RAB3GAP1: variants seen among roughly 807,000 people sequenced by gnomAD.
RAB3GAP1 encodes the protein RAB3 GTPase activating protein catalytic subunit 1, also known as rab3 GTPase-activating protein catalytic subunit.
A neutral mutation model predicts 130.7 loss-of-function variants in RAB3GAP1; 86 were observed. The ratio of observed to expected loss-of-function variants is 0.66; its 90% CI spans 0.55 to 0.79. The LOEUF is 0.79. RAB3GAP1 is among the 30% of genes least tolerant of loss of function. RAB3GAP1 has a pLI of 0.00. For synonymous variants in RAB3GAP1, 367 were observed against 401.7 expected, an observed-to-expected ratio of 0.91 and a Z score of 1.03; for missense variants, 1,029 against 1,169.4, an observed-to-expected ratio of 0.88 and a Z score of 1.75.
At chr2:135,126,884 T>A (rs554452209) in intron 11 of RAB3GAP1, among the ~76,000 whole-genome samples, 128 of 152,256 alleles carry the variant, frequency 8.4e-4, no homozygotes, top group Non-Finnish European at 6.3e-4. Context: ...TACTTTTTTT[T>A]ATTTATTTTT....
chr2:135,127,867 C>CT (rs909315002), intron 11 of RAB3GAP1, among the ~76,000 whole-genome samples: 2 of 152,144 alleles, frequency 1.3e-5, no homozygotes, highest in Admixed American at 6.5e-5. Flanking sequence ...GTCCCCTTCC[C>CT]TTTTTTTAGG....
chr2:135,092,187 A>T (rs1349533519), intron 4 of RAB3GAP1, among the ~76,000 whole-genome samples: 1 of 152,238 alleles, frequency 6.6e-6, no homozygotes, highest in African/African-American at 2.4e-5. Flanking sequence ...GAATGTGAAT[A>T]TGAGAACTTT....
intron 8 of RAB3GAP1, among the ~76,000 whole-genome samples, chr2:135,123,415 T>G (rs1323941061): frequency 2.6e-5 from 4 of 152,192 alleles, no homozygotes; most frequent in African/African-American, 9.6e-5. Context: ...AATCATTTAC[T>G]TAGGATGTAG....
downstream of RAB3GAP1, among the ~76,000 whole-genome samples, chr2:135,171,509 G>A (rs1414340770): frequency 6.6e-6 from 1 of 152,164 alleles, no homozygotes. Flanking sequence ...CCTAAGAGGT[G>A]CACATGCTTG....
chr2:135,118,878 G>A (rs1691106080), intron 7 of RAB3GAP1, among the ~76,000 whole-genome samples: 1 of 150,546 alleles, frequency 6.6e-6, no homozygotes, highest in Non-Finnish European at 1.5e-5. Context: ...TGCCAAGCAG[G>A]AGTGACATGT....
At chr2:135,146,199 CTTTTTTTTTT>C (rs1173567563) in intron 17 of RAB3GAP1, among the ~76,000 whole-genome samples, 6 of 96,596 alleles carry the variant, frequency 6.2e-5, no homozygotes, top group Non-Finnish European at 8.4e-5. Context: ...CATATTTGTT[CTTTTTTTTTT>C]TTTTTTTTTT....
intron 8 of RAB3GAP1, among the ~76,000 whole-genome samples, chr2:135,123,212 T>C (rs1032771490): frequency 2.0e-5 from 3 of 152,240 alleles, no homozygotes; most frequent in Non-Finnish European, 4.4e-5. Context: ...TGTACAGTTA[T>C]ATTTTAGTAA....
chr2:135,078,013 A>G (rs573624005), intron 3 of RAB3GAP1, among the ~76,000 whole-genome samples: 31 of 152,228 alleles, frequency 2.0e-4, no homozygotes, highest in Admixed American at 1.2e-3. Flanking sequence ...CACTCTGTTG[A>G]TAGTGTACTT....
At chr2:135,129,939 G>A in intron 11 of RAB3GAP1, 56 bp from the exon 12 acceptor site, 3 of 1,065,126 alleles carry the variant, frequency 2.8e-6, no homozygotes, top group Non-Finnish European at 1.4e-6. Flanking sequence ...TAATTTATAG[G>A]ACTGATTTTT....
intron 6 of RAB3GAP1, among the ~76,000 whole-genome samples, chr2:135,114,981 A>C (rs1484518222): frequency 6.6e-6 from 1 of 152,194 alleles, no homozygotes. Flanking sequence ...AGCTGTTCTA[A>C]AACAATTTTC....
chr2:135,113,334 AAC>A lies in RAB3GAP1; in HGVS notation c.482+66_482+67del, dbSNP rs1690875257. On this transcript the variant is annotated intron_variant, in intron 6 of 23. Transcript: ENST00000264158. Reference sequence around the variant, plus strand: ...TTTTTAACAATAATTTATGAAGGCAAACAGTTATTAAATGTTAGCTTTTTAAC... The same window carrying A: ...TTTTTAACAATAATTTATGAAGGCAAAGTTATTAAATGTTAGCTTTTTAAC... 10 of 1,573,088 alleles carry A rather than the reference AAC, an allele frequency of 6.4e-6. No homozygotes were observed. In the South Asian group the frequency reaches 1.0e-4, roughly 16 times the overall value.
chr2:135,146,299 C>T (rs1266946205), intron 17 of RAB3GAP1, among the ~76,000 whole-genome samples: 2 of 149,172 alleles, frequency 1.3e-5, no homozygotes, highest in African/African-American at 5.0e-5. Context: ...GCAACTTCTG[C>T]CTGCTGAGTT....
chr2:135,097,288 G>A (rs1690327013), intron 5 of RAB3GAP1, among the ~76,000 whole-genome samples: 1 of 151,430 alleles, frequency 6.6e-6, no homozygotes, highest in Non-Finnish European at 1.5e-5. Flanking sequence ...GCAATCATGG[G>A]TACTGTAGCC....
intron 3 of RAB3GAP1, 142 bp downstream of exon 3, chr2:135,058,228 G>C: frequency 1.4e-6 from 1 of 723,546 alleles, no homozygotes; most frequent in East Asian, 2.8e-5. Flanking sequence ...GCATTTGGAA[G>C]AATTTGGATT....
chr2:135,058,118 CTATT>C (rs1207016743), intron 3 of RAB3GAP1, 32 bp downstream of exon 3: 1 of 1,551,446 alleles, frequency 6.4e-7, no homozygotes. Flanking sequence ...CTCTAAATGA[CTATT>C]TACTTTGAAA....
chr2:135,153,742 G>A lies in RAB3GAP1; in HGVS notation c.2155G>A (p.Val719Met), dbSNP rs1397177856. The A allele has an allele frequency of 1.2e-6, 2 of 1,614,056 alleles. No individual in the cohort carries two copies. Among genetic ancestry groups the A allele is most frequent in the Admixed American group, 1.7e-5 (1 of 60,020 alleles). ...EEEVIDEKGN[V>M]VLKGELSARM... ...GGAGGTGATTGATGAAAAGGGCAAT[G>A]TGGTGCTGAAAGGAGAACTGAGTGC... Residue 719 changes from valine to methionine, a missense_variant, in exon 19 of 24, where the codon GTG becomes ATG. Coordinates refer to ENST00000264158, the MANE Select transcript of RAB3GAP1 (RefSeq NM_012233.3).
At chr2:135,075,566 T>C (rs1462306236) in intron 3 of RAB3GAP1, among the ~76,000 whole-genome samples, 2 of 152,198 alleles carry the variant, frequency 1.3e-5, no homozygotes, top group East Asian at 3.8e-4. Flanking sequence ...TATTGAAGAA[T>C]ATTTACTTTC....
intron 12 of RAB3GAP1, 56 bp from the exon 13 acceptor site, chr2:135,130,496 C>T: frequency 7.0e-7 from 1 of 1,430,008 alleles, no homozygotes; most frequent in South Asian, 1.2e-5. Flanking sequence ...TTGTTCATCA[C>T]TTTCACCTGC....
chr2:135,130,477 A>C (rs1691500615), intron 12 of RAB3GAP1, 75 bp from the exon 13 acceptor site: 2 of 1,219,778 alleles, frequency 1.6e-6, no homozygotes, highest in Admixed American at 3.8e-5. Context: ...ATTCTATATA[A>C]TCATCAATTT....
Sources: allele counts gnomAD v4.1 joint callset (sites outside exome capture counted in the v4.1 genomes callset), GRCh38; gene constraint gnomAD v4.1.1; transcripts MANE v1.5; gene names NCBI Gene and HGNC (gene_info 2026-07-23, HGNC 2026-07-21).